ALDH3A2: variants seen among roughly 807,000 people sequenced by gnomAD.
ALDH3A2 encodes the protein aldehyde dehydrogenase family 3 member A2.
In ALDH3A2, 36 loss-of-function variants were observed where a neutral mutation model predicts 51.3. That is an observed-to-expected ratio of 0.70 (90% confidence interval 0.54 to 0.93). The LOEUF is 0.93. Ranked by LOEUF, ALDH3A2 falls within the 40% of genes least tolerant of loss-of-function variation. The pLI is 0.00. For synonymous variants in ALDH3A2, 199 were observed against 219.8 expected (o/e 0.91, Z 0.84); for missense variants, 552 against 603.1 (o/e 0.92, Z 0.89).
Position 19,648,913 on chromosome 17 carries a change from C to T in ALDH3A2, c.-59C>T. 1.3e-6 allele frequency: 2 copies of T among 1,535,874 alleles called. No individual in the cohort carries two copies. Among genetic ancestry groups the T allele is most frequent in the Non-Finnish European group, 1.8e-6 (2 of 1,139,760 alleles). ...GGGAGGCGAGGCCTGCACCTGCATG[C>T]TTCCCGCCTCCCACTCCCCAGCGCC... On this transcript the variant is annotated 5_prime_UTR_variant, in exon 1 of 10. Transcript: ENST00000176643.
chr17:19,673,386 G>GTT (rs60107647), intron 9 of ALDH3A2: 176 of 1,194,054 alleles, frequency 1.5e-4, no homozygotes, highest in Middle Eastern at 2.9e-4. Context: ...TTTTATTTTT[G>GTT]TTTTTTTTTT....
intron 5 of ALDH3A2, among the ~76,000 whole-genome samples, chr17:19,660,893 T>TA (rs996921048): frequency 6.6e-6 from 1 of 152,204 alleles, no homozygotes; most frequent in African/African-American, 2.4e-5. Context: ...CCTTTGGAAC[T>TA]ATGGACAATG....
At position 19,663,391 on chromosome 17, in the gene ALDH3A2, T is replaced by C. The variant is rs754768387; in HGVS notation, c.999T>C (p.Phe333=). Reference sequence around the variant, plus strand: ...CCAAGGTGATGCAAGAAGAAATTTTTGGACCAATTCTTCCAATAGTGCCTG... The same window carrying C: ...CCAAGGTGATGCAAGAAGAAATTTTCGGACCAATTCTTCCAATAGTGCCTG... ...PKTKVMQEEI[F]GPILPIVPVK... is the part of the protein sequence containing the mutation. Residue 333 remains phenylalanine, a synonymous_variant, in exon 7 of 10, where the codon TTT becomes TTC. Transcript: ENST00000176643. The C allele has an allele frequency of 1.9e-6, 3 of 1,614,204 alleles. No individual in the cohort carries two copies. Among genetic ancestry groups the C allele is most frequent in the Non-Finnish European group, 1.7e-6 (2 of 1,180,036 alleles).
chr17:19,660,109 G>A (rs941101260), intron 5 of ALDH3A2, among the ~76,000 whole-genome samples: 1 of 152,114 alleles, frequency 6.6e-6, no homozygotes, highest in African/African-American at 2.4e-5. Context: ...GCTTAGTTGA[G>A]TGTGGTGATG....
chr17:19,657,111 T>A (rs976784628), intron 4 of ALDH3A2, among the ~76,000 whole-genome samples: 4 of 152,272 alleles, frequency 2.6e-5, no homozygotes, highest in African/African-American at 9.6e-5. Context: ...TAGAACTGAC[T>A]CTGTGCTCTG....
At chr17:19,650,206 C>T (rs968593480) in intron 1 of ALDH3A2, among the ~76,000 whole-genome samples, 6 of 152,112 alleles carry the variant, frequency 3.9e-5, no homozygotes, top group East Asian at 1.9e-4. Context: ...GCCACCCCCC[C>T]GGCCTGTGGT....
intron 6 of ALDH3A2, among the ~76,000 whole-genome samples, chr17:19,662,676 ATCTG>A (rs750148273): frequency 2.6e-5 from 4 of 152,260 alleles, no homozygotes; most frequent in South Asian, 2.1e-4. Context: ...TGTTTTCTTA[ATCTG>A]TCTAACAGAG....
chr17:19,666,763 C>T (rs2085042882), intron 8 of ALDH3A2, among the ~76,000 whole-genome samples: 1 of 146,458 alleles, frequency 6.8e-6, no homozygotes, highest in Non-Finnish European at 1.5e-5. Flanking sequence ...GCAAACAGAG[C>T]GAGACTCCGA....
At chr17:19,649,343 T>A (rs2084782858) in intron 1 of ALDH3A2, 2 of 569,966 alleles carry the variant, frequency 3.5e-6, no homozygotes, top group Non-Finnish European at 6.0e-6. Flanking sequence ...TGGTTCCTTT[T>A]CTGCCTTTTC....
upstream of ALDH3A2, chr17:19,648,749 T>C (rs2084768758): frequency 1.6e-6 from 1 of 622,130 alleles, no homozygotes; most frequent in Non-Finnish European, 2.8e-6. Flanking sequence ...TGGGTCGAGC[T>C]CAGTCCTCCC....
chr17:19,673,236 C>A (rs1265154649), intron 9 of ALDH3A2: 1 of 1,614,158 alleles, frequency 6.2e-7, no homozygotes. Flanking sequence ...CAGAGATGAA[C>A]ACCAGATTTC....
At chr17:19,657,973 C>A (rs545498206) in intron 5 of ALDH3A2, 111 bp downstream of exon 5, 4 of 830,880 alleles carry the variant, frequency 4.8e-6, no homozygotes, top group Non-Finnish European at 8.0e-6. Context: ...ATTTCAAAAT[C>A]ATATGTGACT....
intron 8 of ALDH3A2, among the ~76,000 whole-genome samples, chr17:19,665,911 C>G (rs955693265): frequency 4.6e-5 from 7 of 152,272 alleles, no homozygotes; most frequent in African/African-American, 1.7e-4. Context: ...GATGCGATGG[C>G]CCAGTTTGGC....
At chr17:19,674,883 T>C (rs2085166939) in intron 9 of ALDH3A2, 2 of 152,458 alleles carry the variant, frequency 1.3e-5, no homozygotes, top group African/African-American at 4.8e-5. Context: ...CTTAATAGTT[T>C]CCTTATTTTG....
chr17:19,673,069 G>A (rs2085139508), intron 9 of ALDH3A2: 1 of 1,574,050 alleles, frequency 6.4e-7, no homozygotes, highest in African/African-American at 1.4e-5. Context: ...AATTTGAAAG[G>A]GGTTTGGCTC....
chr17:19,648,762 G>C lies in ALDH3A2; in HGVS notation c.-210G>C, dbSNP rs2084769234. 1 of 653,596 alleles carries C rather than the reference G, an allele frequency of 1.5e-6. No individual in the cohort carries two copies. The highest frequency in any genetic ancestry group is 2.6e-6 in the Non-Finnish European group (1 of 382,592). 40.5% of individuals were successfully genotyped at this position (653,596 alleles called of 1,614,324 possible). On this transcript the variant is annotated 5_prime_UTR_variant, in exon 1 of 10. Coordinates refer to ENST00000176643, the MANE Select transcript of ALDH3A2 (RefSeq NM_000382.3). ...TTTGGGTCGAGCTCAGTCCTCCCCCGGCGCCTCCGACTGGCAGTGGGACTC... is the reference window on the plus strand; with the variant it reads ...TTTGGGTCGAGCTCAGTCCTCCCCCCGCGCCTCCGACTGGCAGTGGGACTC...
chr17:19,658,750 A>T (rs1159909719), intron 5 of ALDH3A2, among the ~76,000 whole-genome samples: 4 of 27,086 alleles, frequency 1.5e-4, no homozygotes, highest in South Asian at 2.0e-3. Context: ...TCTGTCTTTA[A>T]AAAAAAAAAA....
intron 8 of ALDH3A2, 84 bp downstream of exon 8, chr17:19,665,131 G>T: frequency 8.2e-7 from 1 of 1,219,014 alleles, no homozygotes; most frequent in Middle Eastern, 1.9e-4. Flanking sequence ...TGCTGAAATA[G>T]CCAGCTGTTG....
At chr17:19,667,511 T>A (rs965861007) in intron 8 of ALDH3A2, among the ~76,000 whole-genome samples, 1 of 152,214 alleles carries the variant, frequency 6.6e-6, no homozygotes. Flanking sequence ...TGGCAAAAAG[T>A]CTAAACAGTT....
Sources: allele counts gnomAD v4.1 joint callset (sites outside exome capture counted in the v4.1 genomes callset), GRCh38; gene constraint gnomAD v4.1.1; transcripts MANE v1.5; gene names NCBI Gene and HGNC (gene_info 2026-07-23, HGNC 2026-07-21).